Variants in EMCN observed in about 807,000 individuals in gnomAD.
EMCN encodes endomucin.
A neutral mutation model predicts 38.4 loss-of-function variants in EMCN; 37 were observed. The observed-to-expected ratio is 0.96, with a 90% CI of 0.74 to 1.27. EMCN has a LOEUF of 1.27. Ranked by LOEUF, EMCN falls within the 50% of genes most tolerant of loss-of-function variation. The pLI, the probability that EMCN is intolerant of heterozygous loss-of-function variation, is 0.00. For synonymous variants in EMCN, 95 were observed against 100.8 expected (o/e 0.94, Z 0.35); for missense variants, 318 against 302.8 (o/e 1.05, Z -0.37).
intron 3 of EMCN, among the ~76,000 whole-genome samples, chr4:100,467,397 G>A (rs1312500940): frequency 6.6e-6 from 1 of 152,066 alleles, no homozygotes; most frequent in African/African-American, 2.4e-5. Flanking sequence ...TATGAGAATC[G>A]GCCGGGCGCG....
chr4:100,443,855 A>G (rs1486451380), intron 5 of EMCN, among the ~76,000 whole-genome samples: 2 of 152,204 alleles, frequency 1.3e-5, no homozygotes, highest in African/African-American at 2.4e-5. Context: ...AGCTTGGTAG[A>G]AAAAGGAGTT....
chr4:100,421,306 G>A lies in EMCN; in HGVS notation c.640C>T (p.Arg214Ter). ...LSVFVLVGLY[R>*]MCWKADPGTP... is the part of the protein sequence containing the mutation. The stretch of plus-strand genomic sequence containing the variant: ...CCCGGATCTGCCTTCCAGCACATTC[G>A]GTACAAACCCACCAGAACAAATACT... The change falls in exon 8 of 12, where the codon CGA (arginine) becomes TGA (stop). Residue 214 changes from arginine (R) to a stop codon, truncating the protein, a stop_gained. Coordinates refer to ENST00000296420, the MANE Select transcript of EMCN (RefSeq NM_016242.4). LOFTEE classifies it high-confidence loss of function. 1 of 1,612,486 alleles carries A rather than the reference G, an allele frequency of 6.2e-7. No individual in the cohort carries two copies. Among genetic ancestry groups the A allele is most frequent in the Non-Finnish European group, 8.5e-7 (1 of 1,179,070 alleles).
Position 100,421,317 on chromosome 4 carries a change from A to C in EMCN, c.629T>G (p.Val210Gly), listed in dbSNP as rs756728846. 1.9e-6 allele frequency: 3 copies of C among 1,612,958 alleles called. No individual in the cohort carries two copies. The highest frequency in any genetic ancestry group is 1.7e-6 in the Non-Finnish European group (2 of 1,179,176). ...IVITLSVFVLVGLYRMCWKAD... is the reference protein window; with the variant it reads ...IVITLSVFVLGGLYRMCWKAD... ...CTTCCAGCACATTCGGTACAAACCCACCAGAACAAATACTGAAAGTGTTAT... is the reference window on the plus strand; with the variant it reads ...CTTCCAGCACATTCGGTACAAACCCCCCAGAACAAATACTGAAAGTGTTAT... The change falls in exon 8 of 12, where the codon GTG (valine) becomes GGG (glycine). Residue 210 changes from valine (V) to glycine (G), a missense_variant. Physicochemically the swap from Val to Gly is moderately radical, Grantham distance 109. Transcript: ENST00000296420.
Position 100,415,896 on chromosome 4 carries a change from A to C in EMCN, c.751+2T>G. 1 of 1,579,720 alleles carries C rather than the reference A, an allele frequency of 6.3e-7. No individual in the cohort carries two copies. Among genetic ancestry groups the C allele is most frequent in the Admixed American group, 1.8e-5 (1 of 54,938 alleles). On this transcript the variant is annotated splice_donor_variant, in intron 10 of 11. Transcript: ENST00000296420. LOFTEE classifies it high-confidence loss of function. ...ATCTAATCAACTTGTCTGGAAACTT[A>C]CCAGACTCATGAGAAATTGTCTTAA...
At chr4:100,413,173 A>T (rs1277758567) in intron 10 of EMCN, among the ~76,000 whole-genome samples, 1 of 152,206 alleles carries the variant, frequency 6.6e-6, no homozygotes, top group Non-Finnish European at 1.5e-5. Context: ...ATGCTCATTA[A>T]TTAACATTGT....
chr4:100,399,320 A>C (rs1726192621), intron 11 of EMCN, among the ~76,000 whole-genome samples: 1 of 152,048 alleles, frequency 6.6e-6, no homozygotes, highest in Admixed American at 6.6e-5. Context: ...GTGGTTTGCT[A>C]GGTTCTGGGG....
chr4:100,453,178 A>C (rs1374683538), intron 4 of EMCN, among the ~76,000 whole-genome samples: 1 of 152,168 alleles, frequency 6.6e-6, no homozygotes, highest in Non-Finnish European at 1.5e-5. Flanking sequence ...AATGGGATCT[A>C]ATTAAACTAA....
In EMCN at chr4:100,398,360, G is replaced by A. The variant is rs1426529269; in HGVS notation, c.*53C>T. 1 of 150,000 alleles carries A rather than the reference G, an allele frequency of 6.7e-6. No individual in the cohort carries two copies. Among genetic ancestry groups the A allele is most frequent in the African/African-American group, 2.5e-5 (1 of 40,752 alleles). The allele number at this position is 150,000 out of a possible 1,614,324, so 9.3% of individuals were successfully genotyped here. On this transcript the variant is annotated 3_prime_UTR_variant, in exon 12 of 12. Coordinates refer to ENST00000296420, the MANE Select transcript of EMCN (RefSeq NM_016242.4). ...CCTTTTCCACGCTTGGTGCATAGAA[G>A]CTGAAGATTAAGCCTGTGAGCAACA...
intron 8 of EMCN, among the ~76,000 whole-genome samples, chr4:100,420,573 T>G (rs1726861475): frequency 6.6e-6 from 1 of 151,864 alleles, no homozygotes; most frequent in African/African-American, 2.4e-5. Context: ...AGGTGAAGGT[T>G]GAGTAAAGAA....
At chr4:100,460,099 C>G (rs1439620041) in intron 4 of EMCN, among the ~76,000 whole-genome samples, 1 of 152,110 alleles carries the variant, frequency 6.6e-6, no homozygotes, top group Non-Finnish European at 1.5e-5. Flanking sequence ...TATCTCTCAT[C>G]TTTTTGATAA....
chr4:100,450,541 T>A (rs1429152514), intron 4 of EMCN, among the ~76,000 whole-genome samples: 1 of 151,916 alleles, frequency 6.6e-6, no homozygotes, highest in African/African-American at 2.4e-5. Flanking sequence ...CATATATAAT[T>A]ATCTACTGAT....
chr4:100,467,933 C>T (rs1029745610), intron 3 of EMCN, among the ~76,000 whole-genome samples: 1 of 152,068 alleles, frequency 6.6e-6, no homozygotes, highest in South Asian at 2.1e-4. Context: ...TAATCCTAGG[C>T]AATAGTGCAT....
chr4:100,486,733 G>A (rs1224691653), intron 1 of EMCN: 1 of 522,436 alleles, frequency 1.9e-6, no homozygotes, highest in Non-Finnish European at 2.5e-6. Context: ...GGGAGAACAG[G>A]AAGACAGCAT....
intron 1 of EMCN, 21 bp from the exon 2 acceptor site, chr4:100,480,060 G>T: frequency 6.3e-7 from 1 of 1,598,744 alleles, no homozygotes; most frequent in African/African-American, 1.3e-5. Context: ...TAAAGTAGTT[G>T]CATTAACATT....
At chr4:100,467,711 A>C (rs568458051) in intron 3 of EMCN, among the ~76,000 whole-genome samples, 11 of 151,800 alleles carry the variant, frequency 7.2e-5, no homozygotes, top group African/African-American at 2.2e-4. Context: ...AGATATGAGA[A>C]TCATAGTCAT....
chr4:100,411,054 G>A (rs1726538624), intron 10 of EMCN, among the ~76,000 whole-genome samples: 1 of 152,158 alleles, frequency 6.6e-6, no homozygotes, highest in Admixed American at 6.6e-5. Flanking sequence ...CAAATCTCCG[G>A]CTTTTAGAAT....
intron 1 of EMCN, among the ~76,000 whole-genome samples, chr4:100,494,470 A>C (rs1054255752): frequency 6.6e-6 from 1 of 152,112 alleles, no homozygotes; most frequent in Non-Finnish European, 1.5e-5. Context: ...CATATTTAAA[A>C]AGAAGGAGAT....
intron 9 of EMCN, 31 bp from the exon 10 acceptor site, chr4:100,415,990 C>A: frequency 1.4e-6 from 2 of 1,426,512 alleles, no homozygotes; most frequent in Non-Finnish European, 1.9e-6. Flanking sequence ...GAAATTAACA[C>A]CACAGTAATC....
chr4:100,442,251 T>A (rs1172941775), intron 5 of EMCN, among the ~76,000 whole-genome samples: 2 of 152,198 alleles, frequency 1.3e-5, no homozygotes, highest in East Asian at 1.9e-4. Context: ...TATTGAGAAA[T>A]CCACTGATAA....
Sources: allele counts gnomAD v4.1 joint callset (sites outside exome capture counted in the v4.1 genomes callset), GRCh38; gene constraint gnomAD v4.1.1; transcripts MANE v1.5; gene names NCBI Gene and HGNC (gene_info 2026-07-23, HGNC 2026-07-21).